Variants in GRID2 observed in about 807,000 individuals in gnomAD.
The protein encoded by GRID2 is glutamate ionotropic receptor delta type subunit 2.
In GRID2, 33 loss-of-function variants were observed where a neutral mutation model predicts 114.8. The observed-to-expected ratio is 0.29, with a 90% CI of 0.22 to 0.38. GRID2 has a LOEUF of 0.38. GRID2 is among the 10% of genes least tolerant of loss of function. The pLI is 1.00. For synonymous variants in GRID2, 505 were observed against 449.9 expected (o/e 1.12, Z -1.55); for missense variants, 1,184 against 1,257.7 (o/e 0.94, Z 0.89).
intron 4 of GRID2, among the ~76,000 whole-genome samples, chr4:93,176,035 A>G (rs1366167391): frequency 6.6e-6 from 1 of 152,240 alleles, no homozygotes; most frequent in African/African-American, 2.4e-5. Flanking sequence ...AATAGCAGTC[A>G]TAATAATGGG....
At chr4:93,229,884 C>CT (rs1359973041) in intron 7 of GRID2, among the ~76,000 whole-genome samples, 1 of 151,968 alleles carries the variant, frequency 6.6e-6, no homozygotes, top group Non-Finnish European at 1.5e-5. Context: ...CATTTTCATT[C>CT]TTTTTTTAAA....
chr4:92,380,179 G>C (rs1011612568), intron 1 of GRID2, among the ~76,000 whole-genome samples: 1 of 151,508 alleles, frequency 6.6e-6, no homozygotes, highest in Non-Finnish European at 1.5e-5. Flanking sequence ...TTAGCCCTTT[G>C]TTTTAGATAT....
At chr4:92,998,620 A>G (rs1373968811) in intron 2 of GRID2, among the ~76,000 whole-genome samples, 1 of 151,872 alleles carries the variant, frequency 6.6e-6, no homozygotes, top group Non-Finnish European at 1.5e-5. Context: ...AAACAAGCTG[A>G]AATTATTTAC....
intron 1 of GRID2, among the ~76,000 whole-genome samples, chr4:92,322,617 G>A (rs1468459426): frequency 6.6e-6 from 1 of 152,028 alleles, no homozygotes; most frequent in Non-Finnish European, 1.5e-5. Flanking sequence ...ACTGATTGGA[G>A]GCAAACTGGG....
At chr4:93,608,407 C>A (rs992466338) in intron 13 of GRID2, among the ~76,000 whole-genome samples, 9 of 143,206 alleles carry the variant, frequency 6.3e-5, no homozygotes, top group Non-Finnish European at 1.4e-4. Flanking sequence ...GTGCGCTGCA[C>A]CCACTAACGT....
intron 2 of GRID2, among the ~76,000 whole-genome samples, chr4:92,882,133 G>C (rs547670258): frequency 6.6e-6 from 1 of 152,238 alleles, no homozygotes; most frequent in East Asian, 1.9e-4. Flanking sequence ...TGGTGGAGTA[G>C]AGTTTTATTT....
At chr4:93,343,815 C>A (rs2149250223) in intron 8 of GRID2, among the ~76,000 whole-genome samples, 1 of 152,070 alleles carries the variant, frequency 6.6e-6, no homozygotes, top group South Asian at 2.1e-4. Flanking sequence ...GGTCATCGTG[C>A]AACATACAAA....
rs541605565 is a variant in GRID2 at position 92,642,820 on chromosome 4, G to T, written c.244+52534G>T. 2.0e-5 allele frequency among the ~76,000 whole-genome samples: 3 copies of T among 151,754 alleles called. 1 individual carries two copies. The South Asian group carries it at 6.2e-4, about 32-fold the overall frequency. On this transcript the variant is annotated intron_variant, in intron 2 of 15. Transcript: ENST00000282020. ...TCCACTTAAATCTTTAATCTACATT[G>T]AGTTAATTTTTGTATATGGTAAAAT... is the stretch of plus-strand genomic sequence containing the variant.
intron 4 of GRID2, among the ~76,000 whole-genome samples, chr4:93,172,605 A>C (rs113089846): frequency 1.3e-5 from 2 of 152,098 alleles, no homozygotes; most frequent in Admixed American, 6.6e-5. Flanking sequence ...AAAAAGAAAA[A>C]AAAAAGAAAA....
At chr4:92,722,384 T>C (rs573120154) in intron 2 of GRID2, among the ~76,000 whole-genome samples, 3 of 152,254 alleles carry the variant, frequency 2.0e-5, no homozygotes, top group African/African-American at 7.2e-5. Flanking sequence ...CCTCATGTTC[T>C]TTCTCTGAAC....
chr4:92,967,524 A>G (rs1220696927), intron 2 of GRID2, among the ~76,000 whole-genome samples: 1 of 147,418 alleles, frequency 6.8e-6, no homozygotes, highest in African/African-American at 2.5e-5. Flanking sequence ...TTTACCAGTA[A>G]AGGAAGAATC....
intron 8 of GRID2, among the ~76,000 whole-genome samples, chr4:93,271,345 G>C (rs899354153): frequency 1.3e-5 from 2 of 152,126 alleles, no homozygotes; most frequent in South Asian, 4.1e-4. Flanking sequence ...TCCAGAGAAC[G>C]CATGAAAGTT....
At chr4:93,549,997 C>T (rs1271816207) in intron 13 of GRID2, among the ~76,000 whole-genome samples, 1 of 152,214 alleles carries the variant, frequency 6.6e-6, no homozygotes, top group East Asian at 1.9e-4. Context: ...ATAGCACTTA[C>T]CTCAGAGACT....
At chr4:93,764,731 T>C (rs1382613244) in intron 14 of GRID2, among the ~76,000 whole-genome samples, 2 of 152,168 alleles carry the variant, frequency 1.3e-5, no homozygotes, top group African/African-American at 2.4e-5. Context: ...AGTTTAAGTA[T>C]TTACAGCCCC....
chr4:93,543,428 T>A (rs1732854219), intron 13 of GRID2, among the ~76,000 whole-genome samples: 1 of 152,212 alleles, frequency 6.6e-6, no homozygotes, highest in Non-Finnish European at 1.5e-5. Flanking sequence ...TCTCTCTGAT[T>A]GCTGTGCATT....
intron 4 of GRID2, among the ~76,000 whole-genome samples, chr4:93,123,290 C>T (rs907560222): frequency 3.9e-5 from 6 of 151,940 alleles, no homozygotes; most frequent in Admixed American, 2.6e-4. Flanking sequence ...TTATTCCATT[C>T]CATTTGAATT....
chr4:92,478,470 T>C (rs1722423740), intron 1 of GRID2, among the ~76,000 whole-genome samples: 1 of 152,136 alleles, frequency 6.6e-6, no homozygotes, highest in South Asian at 2.1e-4. Context: ...CTTTAAAACA[T>C]CATCATAAAG....
intron 2 of GRID2, among the ~76,000 whole-genome samples, chr4:92,845,510 A>C (rs1378993649): frequency 6.6e-6 from 1 of 152,058 alleles, no homozygotes; most frequent in Non-Finnish European, 1.5e-5. Context: ...CCTTTTGGAC[A>C]TGTAGATGGG....
chr4:93,543,341 G>T (rs577382887), intron 13 of GRID2, among the ~76,000 whole-genome samples: 1 of 152,188 alleles, frequency 6.6e-6, no homozygotes, highest in East Asian at 1.9e-4. Context: ...TTTAAAAGCT[G>T]ATTTTTAAAA....
Sources: gnomAD v4.1 joint callset for allele counts (sites outside exome capture counted in the v4.1 genomes callset) on GRCh38, gnomAD v4.1.1 for gene constraint, MANE v1.5 for transcripts, NCBI Gene and HGNC (gene_info 2026-07-23, HGNC 2026-07-21) for gene names.